Variants in DCUN1D4 observed in about 807,000 individuals in gnomAD.
The protein encoded by DCUN1D4 is defective in cullin neddylation 1 domain containing 4, also known as DCN1-like protein 4.
In DCUN1D4, 22 loss-of-function variants were observed where a neutral mutation model predicts 47.9. The ratio of observed to expected loss-of-function variants is 0.46; its 90% CI spans 0.33 to 0.66. DCUN1D4 has a LOEUF of 0.66. Ranked by LOEUF, DCUN1D4 falls within the 30% of genes least tolerant of loss-of-function variation. The pLI is 0.02. For synonymous variants in DCUN1D4, 121 were observed against 112.2 expected (o/e 1.08, Z -0.50); for missense variants, 301 against 340.8 (o/e 0.88, Z 0.92).
At chr4:51,864,795 G>T (rs763085587) in intron 3 of DCUN1D4, among the ~76,000 whole-genome samples, 1 of 152,158 alleles carries the variant, frequency 6.6e-6, no homozygotes, top group Non-Finnish European at 1.5e-5. Context: ...TTTTGGAGGG[G>T]CACAAACTTT....
intron 8 of DCUN1D4, among the ~76,000 whole-genome samples, chr4:51,902,901 T>G (rs983468483): frequency 6.6e-6 from 1 of 152,160 alleles, no homozygotes; most frequent in Non-Finnish European, 1.5e-5. Context: ...TATACATCTT[T>G]AAATTTCACA....
intron 1 of DCUN1D4, among the ~76,000 whole-genome samples, chr4:51,851,810 CTG>C (rs1278537026): frequency 6.6e-6 from 1 of 152,174 alleles, no homozygotes; most frequent in East Asian, 1.9e-4. Context: ...GTTATTATCT[CTG>C]TTTCACAGAT....
At chr4:51,855,047 G>A (rs2109844875) in intron 1 of DCUN1D4, among the ~76,000 whole-genome samples, 1 of 152,306 alleles carries the variant, frequency 6.6e-6, no homozygotes, top group East Asian at 1.9e-4. Flanking sequence ...GGATAGAGTA[G>A]TGAATAAAGC....
chr4:51,872,212 G>T (rs1727004279), intron 3 of DCUN1D4, among the ~76,000 whole-genome samples: 1 of 152,192 alleles, frequency 6.6e-6, no homozygotes, highest in Non-Finnish European at 1.5e-5. Context: ...CTGGTATGTT[G>T]CTGAAGCATG....
chr4:51,870,422 T>C (rs1726704868), intron 3 of DCUN1D4, among the ~76,000 whole-genome samples: 1 of 152,198 alleles, frequency 6.6e-6, no homozygotes. Context: ...AGTTAACTGT[T>C]TGTTTTAGTG....
chr4:51,868,494 T>G (rs1726331124), intron 3 of DCUN1D4, among the ~76,000 whole-genome samples: 1 of 152,242 alleles, frequency 6.6e-6, no homozygotes, highest in Non-Finnish European at 1.5e-5. Context: ...TCATTAACAT[T>G]TGCCATCTGG....
chr4:51,873,715 G>C (rs1727247690), intron 3 of DCUN1D4, among the ~76,000 whole-genome samples: 1 of 152,296 alleles, frequency 6.6e-6, no homozygotes, highest in South Asian at 2.1e-4. Flanking sequence ...ACTGAATGTG[G>C]CAAAATCTTC....
intron 7 of DCUN1D4, among the ~76,000 whole-genome samples, chr4:51,895,708 G>A (rs1416795316): frequency 6.6e-6 from 1 of 151,928 alleles, no homozygotes; most frequent in South Asian, 2.1e-4. Flanking sequence ...TATAAACTTC[G>A]ATGATTACTG....
intron 5 of DCUN1D4, among the ~76,000 whole-genome samples, chr4:51,878,674 AG>A (rs1326068634): frequency 6.6e-6 from 1 of 152,214 alleles, no homozygotes; most frequent in Non-Finnish European, 1.5e-5. Flanking sequence ...TGCTATCTGC[AG>A]GATAAAAGAG....
intron 1 of DCUN1D4, chr4:51,844,379 C>G (rs1722154464): frequency 1.0e-6 from 1 of 984,418 alleles, no homozygotes; most frequent in Non-Finnish European, 1.2e-6. Flanking sequence ...CCGTGGTTCC[C>G]CCCGGACGGC....
At chr4:51,909,333 A>C (rs1733365995) in intron 8 of DCUN1D4, 1 of 197,730 alleles carries the variant, frequency 5.1e-6, no homozygotes, top group Non-Finnish European at 1.1e-5. Flanking sequence ...GTTGTTCAAC[A>C]AATGGACTTT....
chr4:51,858,464 A>G (rs1158409112), intron 1 of DCUN1D4, among the ~76,000 whole-genome samples: 1 of 152,190 alleles, frequency 6.6e-6, no homozygotes, highest in East Asian at 1.9e-4. Flanking sequence ...AGGGTGTACA[A>G]GGCCCTGAGC....
At position 51,896,175 on chromosome 4, in the gene DCUN1D4, T is replaced by G. The variant is rs181525180; in HGVS notation, c.507-3095T>G. Among the ~76,000 whole-genome samples, 116 of 152,350 alleles carry G rather than the reference T, an allele frequency of 7.6e-4. 1 individual carries two copies. Among genetic ancestry groups the G allele is most frequent in the African/African-American group, 2.8e-3 (115 of 41,586 alleles). On this transcript the variant is annotated intron_variant, in intron 7 of 10. Coordinates refer to ENST00000334635, the MANE Select transcript of DCUN1D4 (RefSeq NM_001040402.3). ...AGTTAGTAATATTACTTGTGTTTTT[T>G]ATGTTTAAAGCACAAGAACTGTTCA... is the stretch of plus-strand genomic sequence containing the variant.
At chr4:51,874,507 G>A (rs996519677) in intron 4 of DCUN1D4, 122 bp downstream of exon 4, 7 of 527,844 alleles carry the variant, frequency 1.3e-5, no homozygotes, top group East Asian at 3.3e-5. Context: ...TTTGCCAGTC[G>A]ATTTTTCAAA....
chr4:51,839,242 A>C (rs1297397816), upstream of DCUN1D4, among the ~76,000 whole-genome samples: 2 of 152,074 alleles, frequency 1.3e-5, no homozygotes, highest in Admixed American at 1.3e-4. Flanking sequence ...AAAGAAAAGA[A>C]GGAAAGGAAG....
chr4:51,905,232 C>G (rs770027414), intron 8 of DCUN1D4: 15 of 455,098 alleles, frequency 3.3e-5, no homozygotes, highest in South Asian at 2.3e-4. Context: ...CAGAAGTCAT[C>G]TGGTCCAGGC....
chr4:51,886,769 A>T, intron 6 of DCUN1D4, 131 bp downstream of exon 6: 1 of 728,430 alleles, frequency 1.4e-6, no homozygotes, highest in East Asian at 2.8e-5. Flanking sequence ...CTAAGAAATA[A>T]GTTCTAATTC....
At chr4:51,876,324 A>G (rs960886481) in intron 4 of DCUN1D4, among the ~76,000 whole-genome samples, 7 of 151,698 alleles carry the variant, frequency 4.6e-5, no homozygotes, top group Non-Finnish European at 1.0e-4. Flanking sequence ...AGGACAAAAA[A>G]CCAAACACCG....
chr4:51,845,050 C>G lies in DCUN1D4; in HGVS notation c.25+1783C>G, dbSNP rs1029737353. 7.1e-6 allele frequency: 7 copies of G among 985,404 alleles called. No individual in the cohort carries two copies. In the African/African-American group the frequency reaches 1.0e-4, roughly 15 times the overall value. 61.0% of individuals were successfully genotyped at this position (985,404 alleles called of 1,614,324 possible). A position where few individuals can be genotyped will look rare whatever the true frequency, so the allele number is the denominator to read the frequency against. ...GTTCTTGGTCCCCAAGTGAATTTCC[C>G]CCTGCATTTTGTGGCCTTACTTGTG... On this transcript the variant is annotated intron_variant, in intron 1 of 10. Transcript: ENST00000334635.
Sources: allele counts gnomAD v4.1 joint callset (sites outside exome capture counted in the v4.1 genomes callset), GRCh38; gene constraint gnomAD v4.1.1; transcripts MANE v1.5; gene names NCBI Gene and HGNC (gene_info 2026-07-23, HGNC 2026-07-21).